The following NAV2 variants were observed in gnomAD, a reference collection of about 807,000 sequenced individuals.
NAV2 encodes helicase, APC down-regulated 1.
Under a neutral mutation model 223.2 loss-of-function variants are expected in NAV2, and 54 were observed. That is an observed-to-expected ratio of 0.24 (90% CI 0.19 to 0.30). The LOEUF is 0.30. Among genes scored for constraint, NAV2 ranks in the 10% least tolerant of loss-of-function variants. The pLI, the probability that NAV2 is intolerant of heterozygous loss-of-function variation, is 1.00. For missense variants in NAV2, 2,806 were observed against 3,147.5 expected (o/e 0.89, Z 2.60); for synonymous variants, 1,279 against 1,239.3 (o/e 1.03, Z -0.67).
At position 19,526,399 on chromosome 11, in the gene NAV2, A is replaced by G. The variant is rs1389136075; in HGVS notation, c.75+175372A>G. Among the ~76,000 whole-genome samples, 4 of 150,082 alleles carry G rather than the reference A, an allele frequency of 2.7e-5. No individual in the cohort carries two copies. The East Asian group carries it at 7.9e-4, about 30-fold the overall frequency. ...TTCCCAGTCCTGTGTGCTAATTCCA[A>G]CTCTGCATTTGAATTGGAGATCAAT... On this transcript the variant is annotated intron_variant, in intron 1 of 37. Transcript: ENST00000360655.
intron 1 of NAV2, among the ~76,000 whole-genome samples, chr11:19,627,090 T>C (rs1339756708): frequency 6.6e-6 from 1 of 152,082 alleles, no homozygotes; most frequent in Non-Finnish European, 1.5e-5. Context: ...CAGTTGAAGG[T>C]CAAGAGATCC....
chr11:19,925,896 G>A (rs77575150), intron 6 of NAV2, among the ~76,000 whole-genome samples: 222 of 152,258 alleles, frequency 1.5e-3, no homozygotes, highest in African/African-American at 5.0e-3. Flanking sequence ...TATGTGCAAA[G>A]GTTTATTTCT....
At position 19,544,743 on chromosome 11, in the gene NAV2, A is replaced by G. The variant is rs4403788; in HGVS notation, c.75+193716A>G. ...GGAAAGTAAGAAGGGAATTAGGGAC[A>G]TAAAAGAACGAGCCCCAGCTTTGGA... On this transcript the variant is annotated intron_variant, in intron 1 of 37. Transcript: ENST00000360655. 2.4e-3 allele frequency among the ~76,000 whole-genome samples: 360 copies of G among 152,362 alleles called. 3 individuals are homozygous for G. Among genetic ancestry groups the G allele is most frequent in the South Asian group, 0.016 (79 of 4,832 alleles).
chr11:19,475,535 C>T (rs1235426392), intron 1 of NAV2, among the ~76,000 whole-genome samples: 1 of 152,172 alleles, frequency 6.6e-6, no homozygotes, highest in Non-Finnish European at 1.5e-5. Context: ...ATCACATTAG[C>T]TCAAACCTGG....
rs957715351 is a variant in NAV2, at chr11:19,383,750, C to T, written c.75+32723C>T. 1.1e-4 allele frequency among the ~76,000 whole-genome samples: 16 copies of T among 152,218 alleles called. 1 individual carries two copies. The highest frequency in any genetic ancestry group is 2.9e-5 in the Non-Finnish European group (2 of 68,036). On this transcript the variant is annotated intron_variant, in intron 1 of 37. Coordinates refer to the NAV2 transcript ENST00000360655. Reference sequence around the variant, plus strand: ...CGCATCAGAAGTAATTCAGCCAAAGCCCCTAGGACAGTGCCTGCTGTATAC... The same window carrying T: ...CGCATCAGAAGTAATTCAGCCAAAGTCCCTAGGACAGTGCCTGCTGTATAC...
intron 1 of NAV2, among the ~76,000 whole-genome samples, chr11:19,560,222 G>T (rs1249893649): frequency 6.6e-6 from 1 of 152,150 alleles, no homozygotes; most frequent in Admixed American, 6.5e-5. Flanking sequence ...AAAGAGTAAG[G>T]ATGTGCTTCC....
intron 11 of NAV2, among the ~76,000 whole-genome samples, chr11:20,000,597 T>C (rs1397294510): frequency 6.6e-6 from 1 of 152,116 alleles, no homozygotes; most frequent in Non-Finnish European, 1.5e-5. Flanking sequence ...GCGTTCTTAA[T>C]GATCTGGAAT....
At chr11:20,087,051 C>G (rs1381691955) in intron 26 of NAV2, among the ~76,000 whole-genome samples, 1 of 152,142 alleles carries the variant, frequency 6.6e-6, no homozygotes, top group South Asian at 2.1e-4. Context: ...GGCAAGAGGA[C>G]TGAGCTCTGG....
At chr11:19,779,139 G>T (rs1304362240) in intron 1 of NAV2, among the ~76,000 whole-genome samples, 3 of 152,128 alleles carry the variant, frequency 2.0e-5, no homozygotes, top group African/African-American at 7.2e-5. Flanking sequence ...TATTGGGTCT[G>T]CCTGAATCTT....
intron 1 of NAV2, among the ~76,000 whole-genome samples, chr11:19,611,428 C>A (rs1350002317): frequency 2.0e-5 from 3 of 152,198 alleles, no homozygotes; most frequent in African/African-American, 7.2e-5. Flanking sequence ...AGTCCACAAT[C>A]CAACATCTCA....
chr11:20,040,151 G>A (rs2056776557), intron 12 of NAV2, among the ~76,000 whole-genome samples: 1 of 152,142 alleles, frequency 6.6e-6, no homozygotes, highest in Admixed American at 6.5e-5. Flanking sequence ...ATGGTCACTG[G>A]GGCTTAAACT....
chr11:19,495,800 TAAATC>T (rs1440156423), intron 1 of NAV2, among the ~76,000 whole-genome samples: 7 of 152,104 alleles, frequency 4.6e-5, no homozygotes. Context: ...TAGAAAAAAA[TAAATC>T]AGAGAAGAAT....
At chr11:19,482,340 G>A (rs562195708) in intron 1 of NAV2, among the ~76,000 whole-genome samples, 2 of 152,280 alleles carry the variant, frequency 1.3e-5, no homozygotes, top group South Asian at 4.2e-4. Flanking sequence ...CTAGTAATGA[G>A]AATATGCTGC....
rs372406009 is a variant in NAV2, at chr11:20,054,132, C to T, written c.4534C>T (p.Arg1512Trp). Residue 1512 changes from arginine (R) to tryptophan (W), a missense_variant, in exon 18 of 38, where the codon CGG (arginine) becomes TGG (tryptophan). This residue lies in a region of NAV2 where 742 missense variants were observed against 777.9 expected (regional missense o/e 0.95). Coordinates refer to ENST00000349880, the MANE Select transcript of NAV2 (RefSeq NM_145117.5). Reference protein sequence around the residue: ...RTQEDAKEWLRSHSAGGLQDT... With the variant: ...RTQEDAKEWLWSHSAGGLQDT... ...GCAAGAAGATGCAAAAGAATGGTTACGGTCCCATTCTGCAGGAGGCCTTCA... is the reference window on the plus strand; with the variant it reads ...GCAAGAAGATGCAAAAGAATGGTTATGGTCCCATTCTGCAGGAGGCCTTCA... The T allele has an allele frequency of 1.8e-5, 29 of 1,613,312 alleles. No individual in the cohort carries two copies. The highest frequency in any genetic ancestry group is 4.5e-5 in the East Asian group (2 of 44,840).
intron 37 of NAV2, among the ~76,000 whole-genome samples, 159 bp downstream of exon 37, chr11:20,114,954 C>A (rs761605238): frequency 6.6e-6 from 1 of 152,160 alleles, no homozygotes; most frequent in Non-Finnish European, 1.5e-5. Context: ...TATTTTCTTC[C>A]ATGGTTTTAG....
chr11:19,600,868 T>A (rs2046333170), intron 1 of NAV2, among the ~76,000 whole-genome samples: 1 of 152,214 alleles, frequency 6.6e-6, no homozygotes, highest in Non-Finnish European at 1.5e-5. Context: ...CAGCAAATGG[T>A]AGAGGCAAGA....
intron 1 of NAV2, among the ~76,000 whole-genome samples, chr11:19,552,110 G>A (rs2044709744): frequency 2.6e-5 from 4 of 152,306 alleles, no homozygotes; most frequent in South Asian, 4.1e-4. Context: ...TGGGCCCCTG[G>A]AGAAGGCAGC....
chr11:19,546,151 G>A (rs1565036798), intron 1 of NAV2, among the ~76,000 whole-genome samples: 1 of 152,182 alleles, frequency 6.6e-6, no homozygotes, highest in Non-Finnish European at 1.5e-5. Context: ...AACAGGCATA[G>A]GAGACAAGTA....
intron 1 of NAV2, among the ~76,000 whole-genome samples, chr11:19,529,783 C>T (rs570647004): frequency 7.2e-5 from 11 of 152,324 alleles, no homozygotes; most frequent in South Asian, 2.1e-4. Flanking sequence ...ACTCAGTGAC[C>T]GGTGAAGAGA....
Sources: allele counts gnomAD v4.1 joint callset (sites outside exome capture counted in the v4.1 genomes callset), GRCh38; gene constraint gnomAD v4.1.1; regional missense constraint gnomAD v4.1.1; transcripts MANE v1.5; gene names NCBI Gene and HGNC (gene_info 2026-07-23, HGNC 2026-07-21).